Variants in WDFY4 observed in about 807,000 individuals in gnomAD.
The protein encoded by WDFY4 is WD repeat- and FYVE domain-containing protein 4.
WDFY4 carries 169 observed loss-of-function variants against 351.9 expected under a neutral mutation model. That is an observed-to-expected ratio of 0.48 (90% CI 0.42 to 0.55). The LOEUF (loss-of-function observed/expected upper bound fraction) is 0.55, where lower values mean the gene tolerates loss of function less well. WDFY4 is among the 20% of genes least tolerant of loss of function. The pLI is 0.00. For missense variants in WDFY4, 3,803 were observed against 3,935.6 expected (o/e 0.97, Z 0.90); for synonymous variants, 1,622 against 1,574.6 (o/e 1.03, Z -0.71).
chr10:48,913,053 T>A (rs749927418), intron 47 of WDFY4, among the ~76,000 whole-genome samples: 3 of 152,022 alleles, frequency 2.0e-5, no homozygotes, highest in Non-Finnish European at 4.4e-5. Flanking sequence ...CCAGTGATAG[T>A]GAGTGTGTGG....
chr10:48,688,480 A>C (rs1037929037), intron 1 of WDFY4, among the ~76,000 whole-genome samples: 1 of 152,196 alleles, frequency 6.6e-6, no homozygotes, highest in African/African-American at 2.4e-5. Context: ...TTTAAATACA[A>C]TGTTACTATT....
intron 37 of WDFY4, among the ~76,000 whole-genome samples, chr10:48,829,586 A>G (rs986613534): frequency 2.0e-5 from 3 of 152,168 alleles, no homozygotes; most frequent in African/African-American, 4.8e-5. Context: ...GCAGTGGCTT[A>G]CACCTGTAAC....
chr10:48,964,058 C>G lies in WDFY4; in HGVS notation c.8436+4C>G. 1 of 1,549,634 alleles carries G rather than the reference C, an allele frequency of 6.5e-7. No individual in the cohort carries two copies. Among genetic ancestry groups the G allele is most frequent in the Non-Finnish European group, 8.7e-7 (1 of 1,146,846 alleles). ...CTTTGGACAGGTGCCCAAACAGGTACAGCATGCCTTGTCATTTGCCTTGCT... is the reference window on the plus strand; with the variant it reads ...CTTTGGACAGGTGCCCAAACAGGTAGAGCATGCCTTGTCATTTGCCTTGCT... On this transcript the variant is annotated splice_donor_region_variant and intron_variant, in intron 54 of 61. Transcript: ENST00000325239.
Position 48,820,267 on chromosome 10 carries a change from A to T in WDFY4, c.5539A>T (p.Ser1847Cys). 1 of 1,551,720 alleles carries T rather than the reference A, an allele frequency of 6.4e-7. No individual in the cohort carries two copies. Among genetic ancestry groups the T allele is most frequent in the Non-Finnish European group, 8.7e-7 (1 of 1,146,998 alleles). ...GGCTGAGTCCACCCGGAACACCAGC[A>T]GTCCTGAGGCCGCAGCTGAAGGCGA... is the stretch of plus-strand genomic sequence containing the variant. ...VGAESTRNTS[S>C]PEAAAEGDST... Residue 1847 changes from serine (S) to cysteine (C), a missense_variant, in exon 33 of 62, where the codon AGT becomes TGT. Physicochemically the swap from Ser to Cys is moderately radical, Grantham distance 112. Around this residue, in one of 3 missense-constraint regions of WDFY4, gnomAD observed 3,054 missense variants for 3,148.6 expected, o/e 0.97. Coordinates refer to ENST00000325239, the MANE Select transcript of WDFY4 (RefSeq NM_001394531.1).
At chr10:48,933,181 T>C (rs1172040713) in intron 47 of WDFY4, among the ~76,000 whole-genome samples, 2 of 152,162 alleles carry the variant, frequency 1.3e-5, no homozygotes, top group East Asian at 3.9e-4. Context: ...CTAGATTGTA[T>C]ATGTGGACCA....
intron 47 of WDFY4, among the ~76,000 whole-genome samples, chr10:48,914,787 A>G (rs1312114310): frequency 6.6e-6 from 1 of 152,170 alleles, no homozygotes; most frequent in Non-Finnish European, 1.5e-5. Flanking sequence ...CATGCAGAAA[A>G]GCCTGTTGCT....
chr10:48,823,187 AGCCCCATT>A (rs751984064), intron 35 of WDFY4: 104 of 1,302,596 alleles, frequency 8.0e-5, no homozygotes, highest in Non-Finnish European at 1.0e-4. Flanking sequence ...TTTAGATCTC[AGCCCCATT>A]ACAAGCTAGA....
At chr10:48,706,190 C>T (rs760820530) in intron 1 of WDFY4, among the ~76,000 whole-genome samples, 5 of 152,302 alleles carry the variant, frequency 3.3e-5, no homozygotes, top group Middle Eastern at 3.4e-3. Context: ...AATTCGTTCA[C>T]GGATTCATTT....
chr10:48,778,415 C>T (rs549977411), intron 17 of WDFY4, among the ~76,000 whole-genome samples, 196 bp from the exon 18 acceptor site: 14 of 152,376 alleles, frequency 9.2e-5, no homozygotes, highest in East Asian at 1.9e-4. Flanking sequence ...CCACGTGTGA[C>T]GGACCTCAGG....
intron 1 of WDFY4, among the ~76,000 whole-genome samples, chr10:48,696,633 G>A (rs1343337160): frequency 1.3e-5 from 2 of 152,232 alleles, no homozygotes; most frequent in Non-Finnish European, 2.9e-5. Context: ...AAGGGTCTAG[G>A]CTGGGACTAG....
Position 48,941,802 on chromosome 10 carries a change from A to G in WDFY4, c.7587-4A>G, listed in dbSNP as rs528907870. The G allele has an allele frequency of 2.1e-5, 33 of 1,552,066 alleles. No individual in the cohort carries two copies. In the South Asian group the frequency reaches 3.6e-4, roughly 17 times the overall value. Reference sequence around the variant, plus strand: ...AGTCACCACCTTGGTTTTCTGTCCCACAGGAGATACCCCGGCTCTGACAGG... The same window carrying G: ...AGTCACCACCTTGGTTTTCTGTCCCGCAGGAGATACCCCGGCTCTGACAGG... On this transcript the variant is annotated splice_polypyrimidine_tract_variant and splice_region_variant and intron_variant, in intron 47 of 61. Transcript: ENST00000325239.
intron 23 of WDFY4, among the ~76,000 whole-genome samples, chr10:48,794,250 A>T (rs1049304743): frequency 6.6e-6 from 1 of 152,124 alleles, no homozygotes; most frequent in East Asian, 1.9e-4. Context: ...AGGTTCAAGC[A>T]GGGGCTGAGA....
chr10:48,799,905 G>A (rs11101496), intron 24 of WDFY4, among the ~76,000 whole-genome samples: 8,968 of 151,124 alleles, frequency 0.059, 602 homozygotes, highest in East Asian at 0.34. Context: ...GTTTTTTTTT[G>A]AGACAGAGTC....
At chr10:48,982,403 T>C in intron 61 of WDFY4, 106 bp from the exon 62 acceptor site, 1 of 993,084 alleles carries the variant, frequency 1.0e-6, no homozygotes, top group Non-Finnish European at 1.4e-6. Flanking sequence ...AGGGGCAAGC[T>C]CCGCTGGGCC....
At chr10:48,858,968 C>A (rs1446968437) in intron 39 of WDFY4, among the ~76,000 whole-genome samples, 1 of 152,080 alleles carries the variant, frequency 6.6e-6, no homozygotes, top group African/African-American at 2.4e-5. Flanking sequence ...AAGAAATTGA[C>A]AATGATATTG....
intron 19 of WDFY4, among the ~76,000 whole-genome samples, chr10:48,785,497 A>G (rs1219453658): frequency 1.3e-5 from 2 of 152,198 alleles, no homozygotes; most frequent in Non-Finnish European, 2.9e-5. Context: ...GTTTGCAATC[A>G]ATTATGAATT....
intron 40 of WDFY4, among the ~76,000 whole-genome samples, chr10:48,873,079 G>A (rs2069846763): frequency 6.6e-6 from 1 of 152,198 alleles, no homozygotes; most frequent in Non-Finnish European, 1.5e-5. Context: ...CTCCACTCTA[G>A]TTCAGGCAAC....
intron 10 of WDFY4, among the ~76,000 whole-genome samples, chr10:48,735,541 T>A (rs760375521): frequency 6.6e-6 from 1 of 152,180 alleles, no homozygotes; most frequent in African/African-American, 2.4e-5. Flanking sequence ...TTATTAACTT[T>A]AGTCACCATG....
chr10:48,941,417 G>T (rs748174573), intron 47 of WDFY4, among the ~76,000 whole-genome samples: 21 of 152,178 alleles, frequency 1.4e-4, no homozygotes, highest in Admixed American at 3.9e-4. Flanking sequence ...CTTCCACGTT[G>T]TTTGCATTTT....
Sources: allele counts gnomAD v4.1 joint callset (sites outside exome capture counted in the v4.1 genomes callset), GRCh38; gene constraint gnomAD v4.1.1; regional missense constraint gnomAD v4.1.1; transcripts MANE v1.5; gene names NCBI Gene and HGNC (gene_info 2026-07-23, HGNC 2026-07-21).